MYO1F: variants seen among roughly 807,000 people sequenced by gnomAD.
The protein encoded by MYO1F is myosin IF.
Under a neutral mutation model 146.6 loss-of-function variants are expected in MYO1F, and 60 were observed. The ratio of observed to expected loss-of-function variants is 0.41; its 90% confidence interval spans 0.33 to 0.51. The LOEUF (loss-of-function observed/expected upper bound fraction) is 0.51, where lower values mean the gene tolerates loss of function less well. Among genes scored for constraint, MYO1F ranks in the 20% least tolerant of loss-of-function variants. MYO1F has a pLI of 0.25. For synonymous variants in MYO1F, 602 were observed against 602.1 expected (o/e 1.00, Z 0.00); for missense variants, 1,274 against 1,534.3 (o/e 0.83, Z 2.83).
intron 15 of MYO1F, 43 bp downstream of exon 15, chr19:8,541,863 T>G: frequency 2.6e-6 from 4 of 1,551,820 alleles, no homozygotes; most frequent in Non-Finnish European, 3.6e-6. Context: ...TCCATCCCCT[T>G]GGGGGGTTGT....
At chr19:8,539,851 C>CA in intron 16 of MYO1F, 96 bp downstream of exon 16, 1 of 1,090,048 alleles carries the variant, frequency 9.2e-7, no homozygotes, top group East Asian at 2.5e-5. Context: ...GGTAGACAGA[C>CA]AGACGTTGGA....
intron 1 of MYO1F, among the ~76,000 whole-genome samples, chr19:8,562,156 A>ATTTTT (rs1490847496): frequency 3.5e-5 from 5 of 142,888 alleles, no homozygotes; most frequent in African/African-American, 1.3e-4. Context: ...TGCCCGGCTA[A>ATTTTT]TTTTTTCTTT....
Position 8,522,196 on chromosome 19 carries a change from G to A in MYO1F, c.3220+181C>T, listed in dbSNP as rs553824848. Among the ~76,000 whole-genome samples the A allele has an allele frequency of 3.2e-3, 494 of 152,108 alleles. 3 individuals are homozygous for A. Among genetic ancestry groups the A allele is most frequent in the African/African-American group, 0.011 (458 of 41,498 alleles). On this transcript the variant is annotated intron_variant, in intron 27 of 27. Transcript: ENST00000644032. ...CGCCACCACGCCCGGCTAATTTTTTGTATTTTTAGTAGAGACGGGGTTTCA... is the reference window on the plus strand; with the variant it reads ...CGCCACCACGCCCGGCTAATTTTTTATATTTTTAGTAGAGACGGGGTTTCA...
chr19:8,529,292 A>G (rs114907713), intron 21 of MYO1F, among the ~76,000 whole-genome samples: 1,771 of 152,094 alleles, frequency 0.012, 25 homozygotes, highest in Middle Eastern at 0.041. Context: ...GACATGAGAT[A>G]TGGGTCAAGT....
At chr19:8,522,225 T>A in intron 27 of MYO1F, 152 bp downstream of exon 27, 1 of 975,976 alleles carries the variant, frequency 1.0e-6, no homozygotes, top group Non-Finnish European at 1.6e-6. Flanking sequence ...GGTTTCACTG[T>A]GTTAGCCAGG....
chr19:8,557,918 C>G (rs1160932158), intron 1 of MYO1F, among the ~76,000 whole-genome samples: 1 of 152,112 alleles, frequency 6.6e-6, no homozygotes, highest in Non-Finnish European at 1.5e-5. Flanking sequence ...CTCCTCTTCT[C>G]TTGTGGTCAC....
At chr19:8,562,290 C>T (rs368817578) in intron 1 of MYO1F, among the ~76,000 whole-genome samples, 19 of 151,962 alleles carry the variant, frequency 1.3e-4, no homozygotes, top group South Asian at 1.0e-3. Flanking sequence ...CATGAGCCAC[C>T]GCACCGGCCC....
intron 13 of MYO1F, 125 bp from the exon 14 acceptor site, chr19:8,544,589 G>A (rs922856753): frequency 1.1e-6 from 1 of 935,606 alleles, no homozygotes; most frequent in Admixed American, 2.3e-5. Context: ...CTTTGGGGGT[G>A]GGGAGGGCAC....
chr19:8,533,726 G>A (rs906828428), intron 19 of MYO1F, among the ~76,000 whole-genome samples: 4 of 152,122 alleles, frequency 2.6e-5, no homozygotes, highest in African/African-American at 9.7e-5. Flanking sequence ...CTTCTGACCT[G>A]CGGAACTGTG....
intron 25 of MYO1F, among the ~76,000 whole-genome samples, chr19:8,524,416 C>CAA (rs777339567): frequency 0.058 from 4,874 of 83,362 alleles, 413 homozygotes; most frequent in African/African-American, 0.16. Flanking sequence ...GACTCTGTCT[C>CAA]AAAAAAAAAA....
chr19:8,550,769 A>T, intron 8 of MYO1F, 75 bp from the exon 9 acceptor site: 3 of 1,602,626 alleles, frequency 1.9e-6, no homozygotes, highest in Non-Finnish European at 1.7e-6. Flanking sequence ...GGCTTGAGGG[A>T]CCACAGCACG....
rs201538800 is a variant in MYO1F, at chr19:8,556,006, A to AT, written c.4-211dup. Reference sequence around the variant, plus strand: ...GCTCGGATCCAGCCCTCAGCCCTCTATTTTTTTTTAATTTTTAATTTTTAT... The same window carrying AT: ...GCTCGGATCCAGCCCTCAGCCCTCTATTTTTTTTTTAATTTTTAATTTTTAT... On this transcript the variant is annotated intron_variant, in intron 1 of 27. Coordinates refer to ENST00000644032, the MANE Select transcript of MYO1F (RefSeq NM_012335.4). 0.12 allele frequency among the ~76,000 whole-genome samples: 17,661 copies of AT among 148,198 alleles called. 1,091 individuals carry two copies. Among genetic ancestry groups the AT allele is most frequent in the Non-Finnish European group, 0.13 (8,735 of 67,038 alleles).
intron 24 of MYO1F, 31 bp from the exon 25 acceptor site, chr19:8,525,593 C>CA (rs762157862): frequency 6.3e-7 from 1 of 1,577,052 alleles, no homozygotes; most frequent in South Asian, 1.1e-5. Flanking sequence ...AGTTGAATGA[C>CA]AGACAGACCA....
intron 1 of MYO1F, among the ~76,000 whole-genome samples, chr19:8,560,480 G>C (rs1974043136): frequency 7.7e-6 from 1 of 130,314 alleles, no homozygotes; most frequent in Non-Finnish European, 1.7e-5. Flanking sequence ...AGCGAGACTT[G>C]GTCTTAAAAA....
chr19:8,552,775 C>A (rs1241501850), intron 6 of MYO1F, among the ~76,000 whole-genome samples: 1 of 152,118 alleles, frequency 6.6e-6, no homozygotes, highest in Admixed American at 6.6e-5. Flanking sequence ...CTGACTTTCA[C>A]TGGGCCCAGC....
At chr19:8,542,159 T>C (rs566587724) in intron 14 of MYO1F, among the ~76,000 whole-genome samples, 168 bp from the exon 15 acceptor site, 2 of 140,746 alleles carry the variant, frequency 1.4e-5, no homozygotes, top group Admixed American at 7.2e-5. Flanking sequence ...CAGTTCAGAA[T>C]AGGGGATGGG....
chr19:8,552,268 T>A, intron 6 of MYO1F, 104 bp from the exon 7 acceptor site: 1 of 1,239,996 alleles, frequency 8.1e-7, no homozygotes, highest in South Asian at 1.3e-5. Context: ...CCTTCTTCCT[T>A]TTTTTTTTGA....
In MYO1F at chr19:8,536,568, A is replaced by G. The variant is rs757654643; in HGVS notation, c.1829T>C (p.Leu610Pro). 6.7e-7 allele frequency: 1 copy of G among 1,482,364 alleles called. No homozygotes were observed. Among genetic ancestry groups the G allele is most frequent in the South Asian group, 1.1e-5 (1 of 89,084 alleles). 91.8% of individuals were successfully genotyped at this position (1,482,364 alleles called of 1,614,324 possible). A position where few individuals can be genotyped will look rare whatever the true frequency, so the allele number is the denominator to read the frequency against. The change falls in exon 18 of 28, where the codon CTG becomes CCG. Residue 610 changes from leucine (L) to proline (P), a missense_variant. Physicochemically the swap from Leu to Pro is moderately conservative, Grantham distance 98. This residue lies in a region of MYO1F where 900 missense variants were observed against 1,155.1 expected (regional missense o/e 0.78). Transcript: ENST00000644032. Reference protein sequence around the residue: ...RVKHQVEYLGLKENIRVRRAG... With the variant: ...RVKHQVEYLGPKENIRVRRAG... The stretch of plus-strand genomic sequence containing the variant: ...TCTGCGCACCCTGATGTTCTCCTTC[A>G]GGCCCAGGTATTCCACCTGGTGCTT...
chr19:8,542,663 C>T (rs1248637734), intron 14 of MYO1F, among the ~76,000 whole-genome samples: 1 of 151,352 alleles, frequency 6.6e-6, no homozygotes, highest in East Asian at 1.9e-4. Context: ...TGCAATGACA[C>T]GATCTCAGCT....
Sources: allele counts gnomAD v4.1 joint callset (sites outside exome capture counted in the v4.1 genomes callset), GRCh38; gene constraint gnomAD v4.1.1; regional missense constraint gnomAD v4.1.1; transcripts MANE v1.5; gene names NCBI Gene and HGNC (gene_info 2026-07-23, HGNC 2026-07-21).